Variants in SLC22A6 observed in about 807,000 individuals in gnomAD.
SLC22A6 encodes the protein solute carrier family 22 member 6.
In SLC22A6, 45 loss-of-function variants were observed where a neutral mutation model predicts 56.7. The observed-to-expected ratio is 0.79, with a 90% confidence interval of 0.63 to 1.02. The LOEUF (loss-of-function observed/expected upper bound fraction) is 1.02. Among genes scored for constraint, SLC22A6 ranks in the 50% least tolerant of loss-of-function variants. The pLI is 0.00. For synonymous variants in SLC22A6, 291 were observed against 295.9 expected, an observed-to-expected ratio of 0.98 and a Z score of 0.17; for missense variants, 606 against 713.8, an observed-to-expected ratio of 0.85 and a Z score of 1.72.
chr11:62,982,037 T>C, intron 3 of SLC22A6, 27 bp from the exon 4 acceptor site: 2 of 1,603,214 alleles, frequency 1.2e-6, no homozygotes, highest in Non-Finnish European at 1.7e-6. Flanking sequence ...GACAGGATGC[T>C]GCAACTACCT....
chr11:62,984,284 C>G, intron 1 of SLC22A6, 38 bp downstream of exon 1: 3 of 1,585,572 alleles, frequency 1.9e-6, no homozygotes, highest in Non-Finnish European at 2.6e-6. Flanking sequence ...CCCCATCTTC[C>G]CATCTTGGCC....
chr11:62,981,218 A>G (rs1321474840), intron 5 of SLC22A6, 42 bp downstream of exon 5: 3 of 1,607,794 alleles, frequency 1.9e-6, no homozygotes, highest in Non-Finnish European at 2.5e-6. Flanking sequence ...TTTGGGGGTG[A>G]AGCCCTGGGA....
rs1287754667 is a variant in SLC22A6, at chr11:62,983,724, C to T, written c.474-33G>A. ...AGGAGGGGAGACTTGTAGCAGGGCC[C>T]TGGAGACTGATGGGGGTCAGGCTGA... On this transcript the variant is annotated intron_variant, in intron 2 of 9. Coordinates refer to ENST00000360421, the MANE Select transcript of SLC22A6 (RefSeq NM_153276.3). The surrounding 1 kb of genome is among the most constrained non-coding windows in gnomAD (Gnocchi z 4.5). 6.3e-7 allele frequency: 1 copy of T among 1,585,092 alleles called. No homozygotes were observed. Among genetic ancestry groups the T allele is most frequent in the Non-Finnish European group, 8.6e-7 (1 of 1,165,956 alleles).
In SLC22A6 at chr11:62,981,288, C is replaced by T. The variant is rs776644088; in HGVS notation, c.893G>A (p.Arg298Gln). The change falls in exon 5 of 10, where the codon CGG (arginine) becomes CAG (glutamine). Residue 298 changes from arginine to glutamine, a missense_variant. Physicochemically the swap from Arg to Gln is conservative, Grantham distance 43. Coordinates refer to ENST00000360421, the MANE Select transcript of SLC22A6 (RefSeq NM_153276.3). Reference protein sequence around the residue: ...LQRVARINGKREEGAKLSMEV... With the variant: ...LQRVARINGKQEEGAKLSMEV... The stretch of plus-strand genomic sequence containing the variant: ...CATACTCAATTTGGCTCCTTCTTCC[C>T]GCTTCCCATTGATCCGGGCGACTCT... 141 of 1,609,026 alleles carry T rather than the reference C, an allele frequency of 8.8e-5. No homozygotes were observed. The highest frequency in any genetic ancestry group is 4.1e-4 in the African/African-American group (31 of 74,954).
chr11:62,979,425 G>A, intron 8 of SLC22A6, 63 bp downstream of exon 8: 1 of 1,143,210 alleles, frequency 8.7e-7, no homozygotes, highest in African/African-American at 1.5e-5. Context: ...GGTCTGACCT[G>A]TGCACAGAAG....
chr11:62,978,604 T>C (rs2086217043), intron 8 of SLC22A6, among the ~76,000 whole-genome samples: 1 of 147,952 alleles, frequency 6.8e-6, no homozygotes, highest in African/African-American at 2.5e-5. Context: ...TTTTTTTTTT[T>C]TTTTTGAGAT....
chr11:62,979,930 T>G lies in SLC22A6; in HGVS notation c.1056A>C (p.Ala352=). Residue 352 remains alanine (A), a synonymous_variant, in exon 7 of 10, where the codon GCA becomes GCC. Coordinates refer to ENST00000360421, the MANE Select transcript of SLC22A6 (RefSeq NM_153276.3). ...LSMLWFATSF[A]YYGLVMDLQG... Reference sequence around the variant, plus strand: ...GCAGGTCCATGACCAGCCCATAGTATGCAAAGCTAGTGGCAAACCTAGCAG... The same window carrying G: ...GCAGGTCCATGACCAGCCCATAGTAGGCAAAGCTAGTGGCAAACCTAGCAG... 6.2e-7 allele frequency: 1 copy of G among 1,613,982 alleles called. No homozygotes were observed. The highest frequency in any genetic ancestry group is 8.5e-7 in the Non-Finnish European group (1 of 1,179,862).
chr11:62,976,608 C>T lies in SLC22A6; in HGVS notation c.*186G>A. 1.9e-6 allele frequency: 1 copy of T among 538,432 alleles called. No homozygotes were observed. Among genetic ancestry groups the T allele is most frequent in the South Asian group, 2.7e-5 (1 of 37,388 alleles). 33.4% of individuals were successfully genotyped at this position (538,432 alleles called of 1,614,324 possible). A position where few individuals can be genotyped will look rare whatever the true frequency, so the allele number is the denominator to read the frequency against. ...GAGACACAGAGAGATGGTGCGCAGT[C>T]AAACCTTTTAATGATGTGGTTCTGG... On this transcript the variant is annotated 3_prime_UTR_variant, in exon 10 of 10. Transcript: ENST00000360421.
intron 6 of SLC22A6, among the ~76,000 whole-genome samples, chr11:62,980,694 A>C (rs990671927): frequency 1.3e-5 from 2 of 152,218 alleles, no homozygotes; most frequent in Non-Finnish European, 2.9e-5. Context: ...CTCTGCCTTC[A>C]TGATGTAAGT....
chr11:62,980,340 C>A (rs2086238710), intron 6 of SLC22A6, among the ~76,000 whole-genome samples: 1 of 152,130 alleles, frequency 6.6e-6, no homozygotes, highest in South Asian at 2.1e-4. Context: ...GTCCATGGTC[C>A]TGGGATGAGT....
chr11:62,982,969 C>A (rs1184167751), intron 3 of SLC22A6, among the ~76,000 whole-genome samples: 1 of 152,114 alleles, frequency 6.6e-6, no homozygotes, highest in Non-Finnish European at 1.5e-5. Flanking sequence ...GAATACAGTT[C>A]TCACCATTCC....
chr11:62,983,740 G>GTCAGT lies in SLC22A6; in HGVS notation c.474-50_474-49insACTGA, dbSNP rs1555032555. On this transcript the variant is annotated intron_variant, in intron 2 of 9. Transcript: ENST00000360421. This position sits in a 1 kb window ranked among gnomAD's most constrained non-coding sequence, Gnocchi z 4.5. ...AGCAGGGCCCTGGAGACTGATGGGG[G>GTCAGT]TCAGGCTGAGCCAGGAGAGGAGGGC... The GTCAGT allele has an allele frequency of 6.4e-7, 1 of 1,555,080 alleles. No individual in the cohort carries two copies. Among genetic ancestry groups the GTCAGT allele is most frequent in the Non-Finnish European group, 8.7e-7 (1 of 1,148,048 alleles).
At position 62,984,439 on chromosome 11, in the gene SLC22A6, C is replaced by A. The variant is rs11568628; in HGVS notation, c.252G>T (p.Pro84=). 93,776 of 1,613,754 alleles carry A rather than the reference C, an allele frequency of 0.058. 3,121 individuals carry two copies. The highest frequency in any genetic ancestry group is 0.088 in the Middle Eastern group (535 of 6,062). Residue 84 remains proline (P), a synonymous_variant, in exon 1 of 10, where the codon CCG becomes CCT. Coordinates refer to ENST00000360421, the MANE Select transcript of SLC22A6 (RefSeq NM_153276.3). ...QPESCLRFTS[P]QWGLPFLNGT... ...CATTGAGAAAGGGCAGTCCCCACTGCGGGGAGGTGAAGCGGAGGCAGGACT... is the reference window on the plus strand; with the variant it reads ...CATTGAGAAAGGGCAGTCCCCACTGAGGGGAGGTGAAGCGGAGGCAGGACT...
intron 8 of SLC22A6, among the ~76,000 whole-genome samples, 163 bp from the exon 9 acceptor site, chr11:62,977,550 TTC>T (rs2086204905): frequency 6.6e-6 from 1 of 152,214 alleles, no homozygotes; most frequent in Admixed American, 6.5e-5. Context: ...ATTTTTTTTT[TTC>T]TTGTAGAGAT....
chr11:62,984,260 T>TG, intron 1 of SLC22A6, 62 bp downstream of exon 1: 1 of 1,556,852 alleles, frequency 6.4e-7, no homozygotes, highest in Non-Finnish European at 8.6e-7. Flanking sequence ...TTTTTTTTTT[T>TG]TTTTAACAAA....
Position 62,984,381 on chromosome 11 carries a change from G to T in SLC22A6, c.310C>A (p.Pro104Thr), listed in dbSNP as rs758821655. The change falls in exon 1 of 10, where the codon CCC (proline) becomes ACC (threonine). Residue 104 changes from proline (P) to threonine (T), a missense_variant. Transcript: ENST00000360421. ...TEANGTGATE[P>T]CTDGWIYDNS... ...TCATAGATCCAGCCATCGGTGCAGG[G>T]CTCTGTGGCCCCTGTGCCATTGGCT... 26 of 1,613,930 alleles carry T rather than the reference G, an allele frequency of 1.6e-5. 1 individual carries two copies. In the Middle Eastern group the frequency reaches 3.6e-3, roughly 225 times the overall value.
In SLC22A6 at chr11:62,981,114, C is replaced by G. The variant is rs1027075922; in HGVS notation, c.922-14G>C. ...GGCCCGGAGTACCTGCTGGGACCGG[C>G]AGAGCTCAGGGCCCGGGATCCTCCC... On this transcript the variant is annotated splice_polypyrimidine_tract_variant and intron_variant, in intron 5 of 9. Coordinates refer to ENST00000360421, the MANE Select transcript of SLC22A6 (RefSeq NM_153276.3). 6.2e-7 allele frequency: 1 copy of G among 1,610,070 alleles called. No homozygotes were observed. Among genetic ancestry groups the G allele is most frequent in the Admixed American group, 1.7e-5 (1 of 59,808 alleles).
In SLC22A6 at chr11:62,981,118, G is replaced by A. The variant is rs931445013; in HGVS notation, c.922-18C>T. The stretch of plus-strand genomic sequence containing the variant: ...CGGAGTACCTGCTGGGACCGGCAGA[G>A]CTCAGGGCCCGGGATCCTCCCAAGG... On this transcript the variant is annotated intron_variant, in intron 5 of 9. Transcript: ENST00000360421. 3.7e-6 allele frequency: 6 copies of A among 1,609,490 alleles called. No homozygotes were observed. The highest frequency in any genetic ancestry group is 1.7e-5 in the Admixed American group (1 of 59,780).
At chr11:62,978,143 A>G (rs973123938) in intron 8 of SLC22A6, among the ~76,000 whole-genome samples, 26 of 152,162 alleles carry the variant, frequency 1.7e-4, no homozygotes, top group Non-Finnish European at 2.9e-4. Flanking sequence ...ACTGCCTGGT[A>G]CATAGTGAGT....
Sources: allele counts gnomAD v4.1 joint callset (sites outside exome capture counted in the v4.1 genomes callset), GRCh38; gene constraint gnomAD v4.1.1; non-coding constraint Gnocchi (gnomAD v3.1); transcripts MANE v1.5; gene names NCBI Gene and HGNC (gene_info 2026-07-23, HGNC 2026-07-21).